The following CFAP263 variants were observed in gnomAD, a reference collection of about 807,000 sequenced individuals.
The protein encoded by CFAP263 is cilia and flagella associated protein 263, also known as cilia- and flagella-associated protein 263.
At chr16:58,261,171 C>G in the CFAP263 span, among the ~76,000 whole-genome samples, 1 of 152,104 alleles carries the variant, frequency 6.6e-6, no homozygotes, top group East Asian at 1.9e-4. Context: ...GACTGATGTG[C>G]CCAAGGAGAG....
At chr16:58,270,699 T>C in the CFAP263 span, among the ~76,000 whole-genome samples, 1 of 152,200 alleles carries the variant, frequency 6.6e-6, no homozygotes, top group East Asian at 1.9e-4. Flanking sequence ...CCCAATATCA[T>C]GAAGATTTAC....
chr16:58,266,297 G>T, the CFAP263 span, among the ~76,000 whole-genome samples: 8 of 142,382 alleles, frequency 5.6e-5, no homozygotes. Flanking sequence ...CCTCTCTTCA[G>T]TTCTTTCCTT....
At chr16:58,266,775 G>A in the CFAP263 span, among the ~76,000 whole-genome samples, 1 of 152,158 alleles carries the variant, frequency 6.6e-6, no homozygotes, top group Admixed American at 6.5e-5. Context: ...AGAAGCAGGG[G>A]TGGGGCCTGC....
the CFAP263 span, among the ~76,000 whole-genome samples, chr16:58,258,922 G>T: frequency 6.6e-6 from 1 of 151,936 alleles, no homozygotes; most frequent in Non-Finnish European, 1.5e-5. Context: ...AGATTGCGGT[G>T]AGCCAAGATC....
chr16:58,268,043 A>AAGAGAG, the CFAP263 span, among the ~76,000 whole-genome samples: 80 of 92,250 alleles, frequency 8.7e-4, no homozygotes, highest in Middle Eastern at 4.7e-3. Flanking sequence ...GAGAGAGAGG[A>AAGAGAG]AGAGAGAGAG....
chr16:58,257,395 G>A, the CFAP263 span, among the ~76,000 whole-genome samples: 2 of 151,952 alleles, frequency 1.3e-5, no homozygotes, highest in East Asian at 1.9e-4. Context: ...ATCTCTTTAC[G>A]TCAATACATA....
chr16:58,261,104 G>A, the CFAP263 span, among the ~76,000 whole-genome samples: 1 of 152,116 alleles, frequency 6.6e-6, no homozygotes, highest in African/African-American at 2.4e-5. Flanking sequence ...GTAAACTAGA[G>A]TTCACATCGG....
At chr16:58,252,349 A>G in the CFAP263 span, among the ~76,000 whole-genome samples, 2 of 151,564 alleles carry the variant, frequency 1.3e-5, no homozygotes. Context: ...TCTTAAACAA[A>G]TAAAATATAT....
At chr16:58,280,173 G>A in the CFAP263 span, 1 of 1,522,914 alleles carries the variant, frequency 6.6e-7, no homozygotes, top group Non-Finnish European at 8.9e-7. Flanking sequence ...GTGAATGCCT[G>A]GCACTCAGCA....
the CFAP263 span, among the ~76,000 whole-genome samples, chr16:58,268,037 G>GGA: frequency 1.3e-5 from 1 of 77,902 alleles, no homozygotes; most frequent in African/African-American, 7.7e-5. Context: ...AAGAAAGAGA[G>GGA]AGAGGAAGAG....
the CFAP263 span, chr16:58,259,863 A>C: frequency 6.4e-7 from 1 of 1,574,400 alleles, no homozygotes; most frequent in Non-Finnish European, 8.7e-7. Flanking sequence ...GGATAATATG[A>C]AGGAGAAATT....
chr16:58,252,981 T>G, the CFAP263 span: 1 of 914,594 alleles, frequency 1.1e-6, no homozygotes, highest in Non-Finnish European at 1.7e-6. Flanking sequence ...TGTTTTACTT[T>G]TGATTTTTCT....
At chr16:58,255,645 G>T in the CFAP263 span, among the ~76,000 whole-genome samples, 1 of 148,456 alleles carries the variant, frequency 6.7e-6, no homozygotes, top group East Asian at 2.0e-4. Context: ...TCCCAGCTCC[G>T]CCTCCCAGGT....
chr16:58,283,703 G>C, the CFAP263 span: 1 of 152,150 alleles, frequency 6.6e-6, no homozygotes, highest in Non-Finnish European at 1.5e-5. Context: ...AAATTGTTAA[G>C]ATCCCCCACC....
At chr16:58,255,503 A>G in the CFAP263 span, among the ~76,000 whole-genome samples, 2 of 152,208 alleles carry the variant, frequency 1.3e-5, no homozygotes, top group South Asian at 2.1e-4. Flanking sequence ...AATCCAGTCA[A>G]GTTGACACCT....
chr16:58,272,000 T>A, the CFAP263 span, among the ~76,000 whole-genome samples: 3 of 151,602 alleles, frequency 2.0e-5, no homozygotes, highest in Non-Finnish European at 4.4e-5. Context: ...TTTATTTATA[T>A]CAGTTTCCAC....
the CFAP263 span, among the ~76,000 whole-genome samples, chr16:58,277,262 G>A: frequency 1.3e-5 from 2 of 151,958 alleles, no homozygotes; most frequent in Non-Finnish European, 2.9e-5. Context: ...CCAAGTAGCT[G>A]GGTTTACAGG....
chr16:58,258,462 A>G, the CFAP263 span: 1 of 1,614,006 alleles, frequency 6.2e-7, no homozygotes, highest in Non-Finnish European at 8.5e-7. Context: ...TCCAAGAAGA[A>G]AGGGAGTATT....
the CFAP263 span, among the ~76,000 whole-genome samples, chr16:58,257,449 G>T: frequency 1.3e-5 from 2 of 151,586 alleles, no homozygotes; most frequent in African/African-American, 4.9e-5. Context: ...AAGAGATGGG[G>T]CCTCACTGCG....
Sources: gnomAD v4.1 joint callset for allele counts (sites outside exome capture counted in the v4.1 genomes callset) on GRCh38, gnomAD v4.1.1 for gene constraint, MANE v1.5 for transcripts, NCBI Gene and HGNC (gene_info 2026-07-23, HGNC 2026-07-21) for gene names.